Variants in EXT1 observed in about 807,000 individuals in gnomAD.
EXT1 encodes exostosin glycosyltransferase 1.
In EXT1, 20 loss-of-function variants were observed where a neutral mutation model predicts 82.5. The observed-to-expected ratio is 0.24, with a 90% confidence interval of 0.17 to 0.35. The LOEUF is 0.35. EXT1 is among the 10% of genes least tolerant of loss of function. The probability of loss-of-function intolerance (pLI) is 1.00; values close to 1 mark genes in which losing one functional copy is unlikely to be tolerated. For missense variants in EXT1, 757 were observed against 936.5 expected, an observed-to-expected ratio of 0.81 and a Z score of 2.50; for synonymous variants, 348 against 350.8, an observed-to-expected ratio of 0.99 and a Z score of 0.09.
chr8:117,923,311 T>C (rs914411142), intron 1 of EXT1, among the ~76,000 whole-genome samples: 1 of 151,752 alleles, frequency 6.6e-6, no homozygotes, highest in Admixed American at 6.6e-5. Flanking sequence ...ACAGAGACTC[T>C]GTTTCAAAAA....
At chr8:117,992,283 G>A (rs1295316401) in intron 1 of EXT1, among the ~76,000 whole-genome samples, 3 of 151,724 alleles carry the variant, frequency 2.0e-5, no homozygotes, top group Non-Finnish European at 2.9e-5. Flanking sequence ...CCCCAACTTC[G>A]GAAGCCTCCC....
chr8:117,988,698 G>GCTGC (rs1477696697), intron 1 of EXT1, among the ~76,000 whole-genome samples: 1 of 152,118 alleles, frequency 6.6e-6, no homozygotes, highest in Admixed American at 6.6e-5. Context: ...CTCTTCCCAT[G>GCTGC]CTGCCCCCAG....
intron 1 of EXT1, among the ~76,000 whole-genome samples, chr8:117,859,928 C>T (rs1739499564): frequency 6.6e-6 from 1 of 151,980 alleles, no homozygotes; most frequent in Admixed American, 6.5e-5. Flanking sequence ...GGGCAGATCA[C>T]CTGAGGTCAG....
At chr8:117,871,942 T>C (rs1206515635) in intron 1 of EXT1, among the ~76,000 whole-genome samples, 6 of 152,052 alleles carry the variant, frequency 3.9e-5, no homozygotes, top group Non-Finnish European at 1.5e-5. Context: ...CTAGGCAACA[T>C]AGCGAGACCT....
At chr8:118,039,518 C>A in intron 1 of EXT1, among the ~76,000 whole-genome samples, 1 of 147,592 alleles carries the variant, frequency 6.8e-6, no homozygotes. Flanking sequence ...CGAGATGGCG[C>A]CACTTCACTC....
intron 1 of EXT1, among the ~76,000 whole-genome samples, chr8:117,959,990 G>T (rs1362593294): frequency 6.6e-6 from 1 of 152,204 alleles, no homozygotes; most frequent in Non-Finnish European, 1.5e-5. Context: ...AAGGCAGGCA[G>T]ATCATAAGGT....
At chr8:118,056,759 G>A (rs777128491) in intron 1 of EXT1, among the ~76,000 whole-genome samples, 3 of 152,158 alleles carry the variant, frequency 2.0e-5, no homozygotes, top group Non-Finnish European at 2.9e-5. Flanking sequence ...TCAGAAGAAC[G>A]CTTTGACAAG....
chr8:118,036,663 C>CA (rs1816423971), intron 1 of EXT1, among the ~76,000 whole-genome samples: 1 of 152,040 alleles, frequency 6.6e-6, no homozygotes, highest in African/African-American at 2.4e-5. Flanking sequence ...TCAGTAAAGA[C>CA]AAAAAATGTA....
intron 1 of EXT1, among the ~76,000 whole-genome samples, chr8:118,095,487 C>T (rs143957566): frequency 1.5e-3 from 225 of 152,284 alleles, no homozygotes; most frequent in African/African-American, 5.1e-3. Flanking sequence ...CTTAAAAATG[C>T]AGTTATCATA....
At chr8:117,922,309 C>G (rs1813871849) in intron 1 of EXT1, among the ~76,000 whole-genome samples, 2 of 152,238 alleles carry the variant, frequency 1.3e-5, no homozygotes. Context: ...AACAAACAAA[C>G]AAACAAAAAC....
At chr8:117,953,499 C>T (rs1479626993) in intron 1 of EXT1, among the ~76,000 whole-genome samples, 2 of 151,640 alleles carry the variant, frequency 1.3e-5, no homozygotes, top group African/African-American at 4.8e-5. Flanking sequence ...CCACCTATCT[C>T]GTATCTAATC....
At chr8:118,037,752 G>T (rs1360269094) in intron 1 of EXT1, among the ~76,000 whole-genome samples, 2 of 151,784 alleles carry the variant, frequency 1.3e-5, no homozygotes, top group Non-Finnish European at 2.9e-5. Context: ...AAATATTTTG[G>T]GTGAGTTAGT....
chr8:117,945,018 C>T (rs189775630), intron 1 of EXT1, among the ~76,000 whole-genome samples: 148 of 152,188 alleles, frequency 9.7e-4, no homozygotes, highest in Middle Eastern at 3.4e-3. Context: ...AAAAATTAGC[C>T]GGGCGCGGTG....
chr8:118,030,477 GT>G (rs34590368), intron 1 of EXT1, among the ~76,000 whole-genome samples: 66,666 of 151,786 alleles, frequency 0.44, 17,018 homozygotes, highest in African/African-American at 0.71. Context: ...AAATTAGAGG[GT>G]TTTTTTTGTT....
chr8:117,923,553 TAA>T (rs35980846), intron 1 of EXT1, among the ~76,000 whole-genome samples: 25 of 137,128 alleles, frequency 1.8e-4, no homozygotes, highest in African/African-American at 4.0e-4. Flanking sequence ...CCATCTCTAC[TAA>T]AAAAAAAAAA....
chr8:117,888,727 G>T (rs1813192693), intron 1 of EXT1, among the ~76,000 whole-genome samples: 1 of 152,112 alleles, frequency 6.6e-6, no homozygotes, highest in Admixed American at 6.5e-5. Context: ...TTCAAGATCT[G>T]TTCGAGTTCC....
chr8:117,858,751 AGG>A (rs1812613728), intron 1 of EXT1, among the ~76,000 whole-genome samples: 2 of 112,776 alleles, frequency 1.8e-5, no homozygotes, highest in African/African-American at 8.3e-5. Flanking sequence ...GAAGGAAGGA[AGG>A]AAGGAAGGAA....
chr8:117,807,628 GC>G (rs1206756431), intron 8 of EXT1, among the ~76,000 whole-genome samples: 4 of 152,128 alleles, frequency 2.6e-5, no homozygotes, highest in Non-Finnish European at 5.9e-5. Flanking sequence ...TTGCTGATAT[GC>G]CCTTTAAAAA....
chr8:118,051,576 A>G (rs1691209374), intron 1 of EXT1, among the ~76,000 whole-genome samples: 1 of 152,184 alleles, frequency 6.6e-6, no homozygotes, highest in Non-Finnish European at 1.5e-5. Context: ...AACCCTGGCC[A>G]GGGATCAGTG....
Sources: allele counts gnomAD v4.1 joint callset (sites outside exome capture counted in the v4.1 genomes callset), GRCh38; gene constraint gnomAD v4.1.1; transcripts MANE v1.5; gene names NCBI Gene and HGNC (gene_info 2026-07-23, HGNC 2026-07-21).